PTPRK: variants seen among roughly 807,000 people sequenced by gnomAD.
PTPRK encodes receptor-type tyrosine-protein phosphatase kappa.
PTPRK carries 75 observed loss-of-function variants against 178.0 expected under a neutral mutation model. The ratio of observed to expected loss-of-function variants is 0.42; its 90% confidence interval spans 0.35 to 0.51. The LOEUF is 0.51. PTPRK is among the 20% of genes least tolerant of loss of function. PTPRK has a pLI of 0.02. For missense variants in PTPRK, 1,441 were observed against 1,797.8 expected, an observed-to-expected ratio of 0.80 and a Z score of 3.59; for synonymous variants, 637 against 620.6, an observed-to-expected ratio of 1.03 and a Z score of -0.39.
chr6:128,290,439 T>A (rs537305692), intron 3 of PTPRK, among the ~76,000 whole-genome samples: 2 of 152,182 alleles, frequency 1.3e-5, no homozygotes, highest in South Asian at 4.1e-4. Flanking sequence ...ACTGATGACA[T>A]ACACTGATGA....
chr6:128,516,357 A>G (rs909091002), intron 1 of PTPRK, among the ~76,000 whole-genome samples: 1 of 152,160 alleles, frequency 6.6e-6, no homozygotes, highest in Non-Finnish European at 1.5e-5. Context: ...CTCACGACCT[A>G]GGAAAATCAA....
chr6:128,500,312 T>C (rs1477858600), intron 1 of PTPRK, among the ~76,000 whole-genome samples: 1 of 151,708 alleles, frequency 6.6e-6, no homozygotes. Context: ...AAACAGATGC[T>C]CTAAAAATGG....
chr6:128,304,981 C>G (rs1433627724), intron 3 of PTPRK, among the ~76,000 whole-genome samples: 1 of 152,114 alleles, frequency 6.6e-6, no homozygotes, highest in African/African-American at 2.4e-5. Flanking sequence ...CTCTGGCATG[C>G]CTATTTTGTT....
chr6:128,117,109 G>A (rs1210317366), intron 7 of PTPRK, among the ~76,000 whole-genome samples: 1 of 151,944 alleles, frequency 6.6e-6, no homozygotes, highest in Non-Finnish European at 1.5e-5. Context: ...TCATACCACT[G>A]CACTCCAGCC....
chr6:128,031,101 C>A (rs1284092149), intron 13 of PTPRK, among the ~76,000 whole-genome samples: 1 of 152,018 alleles, frequency 6.6e-6, no homozygotes, highest in Non-Finnish European at 1.5e-5. Flanking sequence ...ACGTAGGGAC[C>A]CAATATATGA....
intron 7 of PTPRK, among the ~76,000 whole-genome samples, chr6:128,135,000 A>G (rs1335275441): frequency 6.6e-6 from 1 of 151,976 alleles, no homozygotes; most frequent in Non-Finnish European, 1.5e-5. Flanking sequence ...CTATTGCAAG[A>G]ATTTCCGGCA....
chr6:128,242,723 T>C, intron 3 of PTPRK, 121 bp from the exon 4 acceptor site: 1 of 1,392,098 alleles, frequency 7.2e-7, no homozygotes, highest in South Asian at 1.6e-5. Context: ...AATTAAAAAT[T>C]TAACCTTATA....
At chr6:128,067,871 G>T in intron 11 of PTPRK, 79 bp from the exon 12 acceptor site, 2 of 1,328,502 alleles carry the variant, frequency 1.5e-6, no homozygotes, top group Non-Finnish European at 2.0e-6. Flanking sequence ...TTTTTTTTAA[G>T]GGGTTGACTA....
rs180897609 is a variant in PTPRK at position 128,351,920 on chromosome 6, T to C, written c.224-29610A>G. On this transcript the variant is annotated intron_variant, in intron 2 of 29. Transcript: ENST00000368226. Reference sequence around the variant, plus strand: ...TAGCTCAACTTCAGTCAGTTTTACATTTTTCTATTGGGCCTTCTGATTAGT... The same window carrying C: ...TAGCTCAACTTCAGTCAGTTTTACACTTTTCTATTGGGCCTTCTGATTAGT... Among the ~76,000 whole-genome samples the C allele has an allele frequency of 3.9e-3, 590 of 152,202 alleles. 4 individuals are homozygous for C. The highest frequency in any genetic ancestry group is 0.013 in the African/African-American group (550 of 41,530).
At chr6:128,467,680 G>T (rs577637868) in intron 1 of PTPRK, among the ~76,000 whole-genome samples, 1 of 152,162 alleles carries the variant, frequency 6.6e-6, no homozygotes, top group East Asian at 1.9e-4. Context: ...CTGGCCACTC[G>T]TAGGTTTCCT....
At position 128,295,204 on chromosome 6, in the gene PTPRK, G is replaced by A. The variant is rs60582406; in HGVS notation, c.495+26835C>T. ...TTCAACTTTAAAATAATTTTAACAG[G>A]TCATAAAGTATGATTCTTCTCTTTT... On this transcript the variant is annotated intron_variant, in intron 3 of 29. Transcript: ENST00000368226. 3.8e-3 allele frequency among the ~76,000 whole-genome samples: 574 copies of A among 152,062 alleles called. 22 individuals are homozygous for A. The East Asian group carries it at 0.089, about 24-fold the overall frequency.
chr6:128,297,233 G>C (rs1161065432), intron 3 of PTPRK, among the ~76,000 whole-genome samples: 9 of 151,946 alleles, frequency 5.9e-5, no homozygotes, highest in Non-Finnish European at 8.8e-5. Flanking sequence ...AGCAAGTCCT[G>C]AGTGACCTAC....
intron 1 of PTPRK, among the ~76,000 whole-genome samples, chr6:128,463,587 A>C (rs968151676): frequency 6.6e-6 from 1 of 151,636 alleles, no homozygotes; most frequent in Non-Finnish European, 1.5e-5. Context: ...AGTTTTATAT[A>C]AAACAAGTTT....
intron 1 of PTPRK, among the ~76,000 whole-genome samples, chr6:128,399,798 A>C (rs1215307788): frequency 6.6e-6 from 1 of 152,212 alleles, no homozygotes; most frequent in African/African-American, 2.4e-5. Flanking sequence ...TCTGATTAGC[A>C]ATAACAACTA....
intron 2 of PTPRK, among the ~76,000 whole-genome samples, chr6:128,390,441 C>T (rs1044734418): frequency 3.9e-5 from 6 of 152,038 alleles, no homozygotes; most frequent in African/African-American, 1.4e-4. Flanking sequence ...CCATTTCCCA[C>T]AAAGGGTAAG....
intron 1 of PTPRK, among the ~76,000 whole-genome samples, chr6:128,510,777 AATATT>A (rs1857059089): frequency 6.6e-6 from 1 of 152,092 alleles, no homozygotes; most frequent in African/African-American, 2.4e-5. Flanking sequence ...TATATTTGGA[AATATT>A]GTTTCAGAAA....
intron 1 of PTPRK, among the ~76,000 whole-genome samples, chr6:128,451,882 A>G (rs1372313139): frequency 1.3e-5 from 2 of 152,188 alleles, no homozygotes; most frequent in African/African-American, 4.8e-5. Context: ...TATCTACATT[A>G]TAGCATGGTT....
At chr6:128,256,205 G>A (rs1384625304) in intron 3 of PTPRK, among the ~76,000 whole-genome samples, 2 of 152,136 alleles carry the variant, frequency 1.3e-5, no homozygotes, top group African/African-American at 4.8e-5. Context: ...GAGTTAGAAC[G>A]CTATGAGAGT....
intron 7 of PTPRK, among the ~76,000 whole-genome samples, chr6:128,120,235 G>C (rs1792236092): frequency 6.6e-6 from 1 of 151,792 alleles, no homozygotes; most frequent in South Asian, 2.1e-4. Context: ...GATTAGAATT[G>C]ATATTATATT....
Sources: gnomAD v4.1 joint callset for allele counts (sites outside exome capture counted in the v4.1 genomes callset) on GRCh38, gnomAD v4.1.1 for gene constraint, MANE v1.5 for transcripts, NCBI Gene and HGNC (gene_info 2026-07-23, HGNC 2026-07-21) for gene names.